FHIT: variants seen among roughly 807,000 people sequenced by gnomAD.
The protein encoded by FHIT is bis(5'-adenosyl)-triphosphatase.
Under a neutral mutation model 17.9 loss-of-function variants are expected in FHIT, and 19 were observed. That is an observed-to-expected ratio of 1.06 (90% confidence interval 0.74 to 1.56). The LOEUF is 1.56. FHIT is among the 40% of genes most tolerant of loss of function. FHIT has a pLI of 0.00. For synonymous variants in FHIT, 81 were observed against 69.7 expected (o/e 1.16, Z -0.81); for missense variants, 248 against 189.2 (o/e 1.31, Z -1.82).
At chr3:60,555,331 T>C (rs181326039) in intron 4 of FHIT, among the ~76,000 whole-genome samples, 2 of 152,344 alleles carry the variant, frequency 1.3e-5, no homozygotes, top group East Asian at 3.9e-4. Flanking sequence ...TGAGAGGTTC[T>C]TGCTCATGGA....
At chr3:59,904,227 TAA>T (rs10691217) in intron 8 of FHIT, among the ~76,000 whole-genome samples, 1 of 132,350 alleles carries the variant, frequency 7.6e-6, no homozygotes, top group Non-Finnish European at 1.6e-5. Flanking sequence ...AAATCATGGT[TAA>T]AAAAAAAAAA....
intron 7 of FHIT, among the ~76,000 whole-genome samples, chr3:59,952,118 T>C (rs1301213423): frequency 6.6e-6 from 1 of 152,192 alleles, no homozygotes; most frequent in African/African-American, 2.4e-5. Flanking sequence ...TCCTTCTATA[T>C]CCAGTCAATT....
intron 5 of FHIT, among the ~76,000 whole-genome samples, chr3:60,400,787 G>C (rs952245087): frequency 3.3e-5 from 5 of 152,164 alleles, no homozygotes; most frequent in African/African-American, 1.2e-4. Context: ...ATCTCTCTAA[G>C]TGAAATCTCA....
Position 61,190,155 on chromosome 3 carries a change from G to A in FHIT, c.-164+10462C>T, listed in dbSNP as rs1472890269. ...CATCAGAGTGAACAGGCAACCTACA[G>A]AATGGGAGAAAATTTTTGCAATCTA... On this transcript the variant is annotated intron_variant, in intron 2 of 9. Transcript: ENST00000492590. Among the ~76,000 whole-genome samples, 35 of 152,286 alleles carry A rather than the reference G, an allele frequency of 2.3e-4. 1 individual carries two copies. The highest frequency in any genetic ancestry group is 7.7e-4 in the African/African-American group (32 of 41,562).
chr3:61,161,491 T>C lies in FHIT; in HGVS notation c.-164+39126A>G, dbSNP rs1412037842. On this transcript the variant is annotated intron_variant, in intron 2 of 9. Transcript: ENST00000492590. ...TGCTGGGATTACAGGCATGAGCCACTGCACCCAGCCACAAATTGCTATTTT... is the reference window on the plus strand; with the variant it reads ...TGCTGGGATTACAGGCATGAGCCACCGCACCCAGCCACAAATTGCTATTTT... Among the ~76,000 whole-genome samples, 4 of 152,186 alleles carry C rather than the reference T, an allele frequency of 2.6e-5. No homozygotes were observed. The East Asian group carries it at 5.8e-4, about 22-fold the overall frequency.
chr3:60,928,605 A>C (rs75828021), intron 3 of FHIT, among the ~76,000 whole-genome samples: 1 of 151,622 alleles, frequency 6.6e-6, no homozygotes, highest in Admixed American at 6.6e-5. Flanking sequence ...AAAAAAAAAA[A>C]GAAAATCTAG....
chr3:60,021,463 C>A (rs150278927), intron 5 of FHIT, among the ~76,000 whole-genome samples: 3 of 152,204 alleles, frequency 2.0e-5, no homozygotes, highest in Non-Finnish European at 2.9e-5. Context: ...GTGAACTTTT[C>A]AATGCAAAGT....
intron 1 of FHIT, among the ~76,000 whole-genome samples, chr3:61,224,111 A>C (rs2039907025): frequency 6.6e-6 from 1 of 152,252 alleles, no homozygotes; most frequent in African/African-American, 2.4e-5. Flanking sequence ...CAAGGCAGAT[A>C]GAAGCTTAAT....
At chr3:61,177,939 G>T (rs1375527091) in intron 2 of FHIT, among the ~76,000 whole-genome samples, 1 of 151,750 alleles carries the variant, frequency 6.6e-6, no homozygotes, top group Non-Finnish European at 1.5e-5. Flanking sequence ...CACTTTCTGG[G>T]TTTTTTTTCC....
At chr3:61,201,565 T>C (rs570645814) in intron 1 of FHIT, among the ~76,000 whole-genome samples, 37 of 152,172 alleles carry the variant, frequency 2.4e-4, no homozygotes, top group Admixed American at 1.0e-3. Context: ...TCTGAAGGGA[T>C]TGTTTTAGCT....
In FHIT at chr3:60,393,280, T is replaced by G. The variant is rs560954673; in HGVS notation, c.103+143580A>C. On this transcript the variant is annotated intron_variant, in intron 5 of 9. Transcript: ENST00000492590. ...TTTATGTTGAGGAAATAAAGATTTT[T>G]TTTGAGAAAAAATTTATCTTTCAAT... is the stretch of plus-strand genomic sequence containing the variant. 4.6e-5 allele frequency among the ~76,000 whole-genome samples: 7 copies of G among 152,180 alleles called. No individual in the cohort carries two copies. The South Asian group carries it at 1.0e-3, about 23-fold the overall frequency.
intron 8 of FHIT, among the ~76,000 whole-genome samples, chr3:59,825,521 T>C (rs1700946205): frequency 6.6e-6 from 1 of 152,212 alleles, no homozygotes; most frequent in Non-Finnish European, 1.5e-5. Flanking sequence ...GCTGAGAACA[T>C]TAGCCACATC....
At chr3:60,723,753 C>A (rs1383717094) in intron 4 of FHIT, among the ~76,000 whole-genome samples, 3 of 152,116 alleles carry the variant, frequency 2.0e-5, no homozygotes, top group Admixed American at 1.3e-4. Flanking sequence ...TCCTAGGAGT[C>A]CTCCTAGAGA....
At chr3:60,413,600 G>C (rs1207209007) in intron 5 of FHIT, among the ~76,000 whole-genome samples, 6 of 152,080 alleles carry the variant, frequency 3.9e-5, no homozygotes, top group African/African-American at 1.4e-4. Context: ...AGTGGTAAAG[G>C]CATTGCCATT....
chr3:60,359,980 A>G (rs971223857), intron 5 of FHIT, among the ~76,000 whole-genome samples: 4 of 131,038 alleles, frequency 3.1e-5, no homozygotes, highest in Non-Finnish European at 5.0e-5. Flanking sequence ...GACATTCAAG[A>G]CTTTTTTTTT....
At chr3:61,065,729 C>A (rs2034582983) in intron 2 of FHIT, among the ~76,000 whole-genome samples, 1 of 150,972 alleles carries the variant, frequency 6.6e-6, no homozygotes, top group South Asian at 2.1e-4. Context: ...GAATGTGAAC[C>A]ACTCTTTCAC....
At chr3:60,047,205 T>A (rs1327399516) in intron 5 of FHIT, among the ~76,000 whole-genome samples, 3 of 152,218 alleles carry the variant, frequency 2.0e-5, no homozygotes, top group Non-Finnish European at 2.9e-5. Flanking sequence ...CATCCTCAAT[T>A]CATTCTAGCA....
intron 2 of FHIT, among the ~76,000 whole-genome samples, chr3:61,127,486 G>A (rs534626129): frequency 1.3e-5 from 2 of 152,184 alleles, no homozygotes; most frequent in African/African-American, 4.8e-5. Context: ...AATAGGCAAA[G>A]GATTGATCAC....
At chr3:59,970,594 T>C (rs900634493) in intron 7 of FHIT, among the ~76,000 whole-genome samples, 1 of 152,122 alleles carries the variant, frequency 6.6e-6, no homozygotes, top group Admixed American at 6.6e-5. Context: ...GTGTCCAATG[T>C]GTTATCTGGC....
Sources: gnomAD v4.1 joint callset for allele counts (sites outside exome capture counted in the v4.1 genomes callset) on GRCh38, gnomAD v4.1.1 for gene constraint, MANE v1.5 for transcripts, NCBI Gene and HGNC (gene_info 2026-07-23, HGNC 2026-07-21) for gene names.